TSHZ2: variants seen among roughly 807,000 people sequenced by gnomAD.
The protein encoded by TSHZ2 is teashirt homolog 2.
A neutral mutation model predicts 74.4 loss-of-function variants in TSHZ2; 21 were observed. The ratio of observed to expected loss-of-function variants is 0.28; its 90% CI spans 0.20 to 0.41. The LOEUF (loss-of-function observed/expected upper bound fraction) is 0.41. Ranked by LOEUF, TSHZ2 falls within the 10% of genes least tolerant of loss-of-function variation. The probability of loss-of-function intolerance (pLI) is 1.00; values close to 1 mark genes in which losing one functional copy is unlikely to be tolerated. For synonymous variants in TSHZ2, 540 were observed against 515.3 expected (o/e 1.05, Z -0.65); for missense variants, 1,244 against 1,293.5 (o/e 0.96, Z 0.59).
intron 2 of TSHZ2, among the ~76,000 whole-genome samples, chr20:53,337,769 A>G (rs936836930): frequency 1.3e-5 from 2 of 152,242 alleles, no homozygotes; most frequent in African/African-American, 4.8e-5. Context: ...TTTTTGATGT[A>G]GAGTAGGGCT....
At position 53,309,895 on chromosome 20, in the gene TSHZ2, G is replaced by A. The variant is rs185301429; in HGVS notation, c.*8+53324G>A. On this transcript the variant is annotated intron_variant, in intron 2 of 2. Transcript: ENST00000371497. ...GGAAACAAAAGCAAGGAGGGCTCAT[G>A]ATCAAATGAGTATGGATAATGCTTT... Among the ~76,000 whole-genome samples the A allele has an allele frequency of 4.1e-4, 62 of 152,330 alleles. 2 individuals carry two copies. In the Middle Eastern group the frequency reaches 0.027, roughly 67 times the overall value.
chr20:53,243,367 A>G (rs977235363), intron 1 of TSHZ2, among the ~76,000 whole-genome samples: 6 of 152,326 alleles, frequency 3.9e-5, no homozygotes, highest in African/African-American at 1.2e-4. Flanking sequence ...ATGTTCAAGT[A>G]TATGCTGAGC....
chr20:53,096,314 T>C (rs1986044449), intron 1 of TSHZ2, among the ~76,000 whole-genome samples: 1 of 152,132 alleles, frequency 6.6e-6, no homozygotes. Flanking sequence ...GCTAATTTTT[T>C]GTATTATTAG....
At chr20:53,327,977 A>G (rs1466274751) in intron 2 of TSHZ2, among the ~76,000 whole-genome samples, 1 of 152,198 alleles carries the variant, frequency 6.6e-6, no homozygotes, top group East Asian at 1.9e-4. Context: ...CAGACTTGTG[A>G]ATTTGGAAGC....
At chr20:53,151,441 G>T (rs906605193) in intron 1 of TSHZ2, among the ~76,000 whole-genome samples, 1 of 152,154 alleles carries the variant, frequency 6.6e-6, no homozygotes, top group African/African-American at 2.4e-5. Flanking sequence ...ATTCTTTGAG[G>T]CAGATGTGTT....
intron 2 of TSHZ2, among the ~76,000 whole-genome samples, chr20:53,268,918 G>A (rs1344190510): frequency 6.6e-6 from 1 of 152,136 alleles, no homozygotes; most frequent in East Asian, 1.9e-4. Flanking sequence ...GTTGGAGCCG[G>A]GGCAAGTCAG....
At chr20:53,060,954 T>C (rs1984802583) in intron 1 of TSHZ2, among the ~76,000 whole-genome samples, 1 of 152,190 alleles carries the variant, frequency 6.6e-6, no homozygotes, top group African/African-American at 2.4e-5. Context: ...TCATTCTATA[T>C]TCCTATCCAT....
intron 1 of TSHZ2, among the ~76,000 whole-genome samples, chr20:53,033,499 T>C (rs1983711351): frequency 6.6e-6 from 1 of 152,166 alleles, no homozygotes; most frequent in South Asian, 2.1e-4. Context: ...GAGATAAGCA[T>C]GATCCGCCTT....
chr20:53,485,064 C>G (rs940695375), intron 2 of TSHZ2, among the ~76,000 whole-genome samples: 1 of 152,122 alleles, frequency 6.6e-6, no homozygotes, highest in Non-Finnish European at 1.5e-5. Context: ...ACACAGTAAT[C>G]CAGAGCAAAG....
At chr20:53,318,536 C>T (rs1457140808) in intron 2 of TSHZ2, among the ~76,000 whole-genome samples, 2 of 152,120 alleles carry the variant, frequency 1.3e-5, no homozygotes, top group Non-Finnish European at 2.9e-5. Context: ...ACAGGGCAAG[C>T]AGGTACAGCA....
intron 2 of TSHZ2, among the ~76,000 whole-genome samples, chr20:53,412,106 G>C (rs561374759): frequency 3.0e-4 from 46 of 152,274 alleles, no homozygotes; most frequent in Middle Eastern, 3.4e-3. Context: ...CTCTTAGCAG[G>C]GACGAGCCCA....
chr20:53,113,917 G>T (rs1986600181), intron 1 of TSHZ2, among the ~76,000 whole-genome samples: 1 of 151,748 alleles, frequency 6.6e-6, no homozygotes, highest in African/African-American at 2.4e-5. Flanking sequence ...ACCTCTCAAT[G>T]CATGGTACCA....
intron 2 of TSHZ2, among the ~76,000 whole-genome samples, chr20:53,375,774 T>A (rs1003177572): frequency 2.0e-5 from 3 of 152,204 alleles, no homozygotes; most frequent in Non-Finnish European, 4.4e-5. Context: ...ATCAAAATTA[T>A]TTTTTCTCCT....
chr20:53,148,387 C>T (rs2123433077), intron 1 of TSHZ2, among the ~76,000 whole-genome samples: 1 of 152,314 alleles, frequency 6.6e-6, no homozygotes, highest in East Asian at 1.9e-4. Flanking sequence ...GTGCACAGGA[C>T]ACCGCCCACC....
intron 2 of TSHZ2, among the ~76,000 whole-genome samples, chr20:53,272,014 AT>A (rs111252256): frequency 0.036 from 5,331 of 146,958 alleles, 132 homozygotes; most frequent in Non-Finnish European, 0.05. Flanking sequence ...GGAGAAGTGG[AT>A]TTTTTTTTTT....
intron 1 of TSHZ2, among the ~76,000 whole-genome samples, chr20:53,206,959 T>A (rs1989184165): frequency 6.6e-6 from 1 of 152,234 alleles, no homozygotes; most frequent in Admixed American, 6.5e-5. Context: ...CTGATCACTT[T>A]CTTATTACTC....
At chr20:53,101,933 T>TG in intron 1 of TSHZ2, among the ~76,000 whole-genome samples, 1 of 150,624 alleles carries the variant, frequency 6.6e-6, no homozygotes, top group South Asian at 2.1e-4. Context: ...ATCACTTTTT[T>TG]GGGGAGCGTC....
At chr20:53,160,340 T>A (rs1600717700) in intron 1 of TSHZ2, among the ~76,000 whole-genome samples, 2 of 152,326 alleles carry the variant, frequency 1.3e-5, no homozygotes. Context: ...TCAAATCCCT[T>A]ATGGCTATGC....
At chr20:53,192,413 C>T (rs1418678333) in intron 1 of TSHZ2, among the ~76,000 whole-genome samples, 1 of 151,836 alleles carries the variant, frequency 6.6e-6, no homozygotes. Flanking sequence ...GGGCCTGGCA[C>T]AGAGCAAAAG....
Sources: gnomAD v4.1 joint callset for allele counts (sites outside exome capture counted in the v4.1 genomes callset) on GRCh38, gnomAD v4.1.1 for gene constraint, MANE v1.5 for transcripts, NCBI Gene and HGNC (gene_info 2026-07-23, HGNC 2026-07-21) for gene names.